The following ELP4 variants were observed in gnomAD, a reference collection of about 807,000 sequenced individuals.
ELP4 encodes elongator acetyltransferase complex subunit 4, also known as elongator complex protein 4.
In ELP4, 51 loss-of-function variants were observed where a neutral mutation model predicts 48.9. That is an observed-to-expected ratio of 1.04 (90% CI 0.83 to 1.32). ELP4 has a LOEUF of 1.32. ELP4 is among the 40% of genes most tolerant of loss of function. ELP4 has a pLI of 0.00. For synonymous variants in ELP4, 210 were observed against 189.2 expected, an observed-to-expected ratio of 1.11 and a Z score of -0.90; for missense variants, 519 against 514.6, an observed-to-expected ratio of 1.01 and a Z score of -0.08.
intron 9 of ELP4, among the ~76,000 whole-genome samples, chr11:31,707,795 C>G (rs1299329003): frequency 6.6e-6 from 1 of 152,116 alleles, no homozygotes; most frequent in Non-Finnish European, 1.5e-5. Flanking sequence ...TGTAAACTAC[C>G]AGCATTCCTT....
At chr11:31,563,937 G>T (rs1423814767) in intron 3 of ELP4, among the ~76,000 whole-genome samples, 1 of 152,146 alleles carries the variant, frequency 6.6e-6, no homozygotes, top group Non-Finnish European at 1.5e-5. Context: ...TGTTATCTGT[G>T]ATTGACAGCT....
chr11:31,587,432 G>C (rs1183055391), intron 3 of ELP4, among the ~76,000 whole-genome samples: 1 of 152,082 alleles, frequency 6.6e-6, no homozygotes, highest in Admixed American at 6.5e-5. Context: ...TTTAGAGAAG[G>C]GGAAAAGGAA....
intron 5 of ELP4, among the ~76,000 whole-genome samples, chr11:31,618,814 GC>G (rs1027526511): frequency 5.3e-5 from 8 of 152,022 alleles, no homozygotes; most frequent in African/African-American, 1.9e-4. Context: ...TACTTAAATA[GC>G]TGTCAATATA....
At chr11:31,617,264 A>G (rs1944510474) in intron 5 of ELP4, among the ~76,000 whole-genome samples, 1 of 152,154 alleles carries the variant, frequency 6.6e-6, no homozygotes, top group Non-Finnish European at 1.5e-5. Context: ...ATATAAATAC[A>G]TATGTAAAAA....
At chr11:31,539,952 A>G (rs962526155) in intron 3 of ELP4, among the ~76,000 whole-genome samples, 169 bp downstream of exon 3, 11 of 152,242 alleles carry the variant, frequency 7.2e-5, no homozygotes, top group African/African-American at 2.4e-4. Flanking sequence ...TTATTTGAAC[A>G]TAGGATTACA....
chr11:31,647,898 G>T, intron 8 of ELP4, 49 bp downstream of exon 8: 1 of 1,107,408 alleles, frequency 9.0e-7, no homozygotes, highest in Non-Finnish European at 1.4e-6. Context: ...CTGCTTCTAG[G>T]TTACCTGGAA....
intron 3 of ELP4, among the ~76,000 whole-genome samples, chr11:31,569,926 T>G (rs1159759866): frequency 2.6e-5 from 4 of 152,176 alleles, no homozygotes; most frequent in African/African-American, 9.7e-5. Flanking sequence ...TGTAAATCAG[T>G]TCAGCCACTG....
chr11:31,547,178 A>G (rs1956742976), intron 3 of ELP4, among the ~76,000 whole-genome samples: 1 of 152,236 alleles, frequency 6.6e-6, no homozygotes. Flanking sequence ...AGCCCTTCAA[A>G]AAATTAGTGA....
At chr11:31,575,237 A>C (rs1957254440) in intron 3 of ELP4, among the ~76,000 whole-genome samples, 1 of 152,240 alleles carries the variant, frequency 6.6e-6, no homozygotes, top group Admixed American at 6.5e-5. Flanking sequence ...AGAAGTTTAG[A>C]GAAAAAAGAC....
intron 9 of ELP4, among the ~76,000 whole-genome samples, chr11:31,768,398 T>A (rs528630919): frequency 2.6e-5 from 4 of 152,314 alleles, no homozygotes; most frequent in African/African-American, 9.6e-5. Context: ...AATTGATACT[T>A]TTCATTCATT....
intron 9 of ELP4, chr11:31,714,602 AC>A (rs1946803449): frequency 2.5e-6 from 1 of 398,498 alleles, no homozygotes; most frequent in African/African-American, 2.1e-5. Flanking sequence ...GTTGAACAAT[AC>A]AAATTTATTT....
intron 9 of ELP4, among the ~76,000 whole-genome samples, chr11:31,737,721 A>G (rs1449512865): frequency 1.3e-5 from 2 of 152,188 alleles, no homozygotes; most frequent in East Asian, 1.9e-4. Flanking sequence ...GCCAAAACGT[A>G]TAGGAAAAAC....
intron 9 of ELP4, among the ~76,000 whole-genome samples, chr11:31,684,280 C>A (rs1292475161): frequency 6.6e-6 from 1 of 151,950 alleles, no homozygotes. Context: ...AATCTTGGCT[C>A]ACTGCAACCT....
chr11:31,576,835 A>G (rs1370766605), intron 3 of ELP4, among the ~76,000 whole-genome samples: 2 of 152,186 alleles, frequency 1.3e-5, no homozygotes, highest in African/African-American at 4.8e-5. Context: ...CAAAAGAGAA[A>G]GAAGGAAAGA....
intron 5 of ELP4, among the ~76,000 whole-genome samples, chr11:31,609,539 G>A (rs1374894608): frequency 6.6e-6 from 1 of 151,976 alleles, no homozygotes; most frequent in Admixed American, 6.6e-5. Context: ...ATATCTTTGA[G>A]TTTTTCATAA....
At chr11:31,567,636 G>T (rs1202711499) in intron 3 of ELP4, among the ~76,000 whole-genome samples, 1 of 152,034 alleles carries the variant, frequency 6.6e-6, no homozygotes, top group Non-Finnish European at 1.5e-5. Context: ...TTCAACCTTG[G>T]TTTTGATATA....
chr11:31,680,256 T>C (rs1429005960), intron 9 of ELP4, among the ~76,000 whole-genome samples: 1 of 152,218 alleles, frequency 6.6e-6, no homozygotes, highest in Admixed American at 6.5e-5. Context: ...CTTTTTATTA[T>C]TGTAACATCA....
Position 31,789,458 on chromosome 11 carries a change from G to A in ELP4, c.*5934G>A. ...GTTCCAGGTTTAATTATATGCAAAG[G>A]AATGATACAAACTTGGAACATCAGT... On this transcript the variant is annotated 3_prime_UTR_variant, in exon 10 of 10. Transcript: ENST00000640961. 3 of 467,740 alleles carry A rather than the reference G, an allele frequency of 6.4e-6. 1 individual carries two copies. The highest frequency in any genetic ancestry group is 3.7e-6 in the Non-Finnish European group (1 of 267,726). The allele number at this position is 467,740 out of a possible 1,614,324, so 29.0% of individuals were successfully genotyped here.
chr11:31,687,177 A>C (rs1348867887), intron 9 of ELP4, among the ~76,000 whole-genome samples: 4 of 152,172 alleles, frequency 2.6e-5, no homozygotes, highest in Admixed American at 2.6e-4. Context: ...GACATGTAGA[A>C]TAGGACATAT....
Sources: allele counts gnomAD v4.1 joint callset (sites outside exome capture counted in the v4.1 genomes callset), GRCh38; gene constraint gnomAD v4.1.1; transcripts MANE v1.5; gene names NCBI Gene and HGNC (gene_info 2026-07-23, HGNC 2026-07-21).